IL12RB2: variants seen among roughly 807,000 people sequenced by gnomAD.
IL12RB2 encodes interleukin-12 receptor subunit beta-2.
In IL12RB2, 82 loss-of-function variants were observed where a neutral mutation model predicts 89.4. The observed-to-expected ratio is 0.92, with a 90% CI of 0.77 to 1.10. The LOEUF (loss-of-function observed/expected upper bound fraction) is 1.10, where lower values mean the gene tolerates loss of function less well. IL12RB2 is among the 50% of genes least tolerant of loss of function. IL12RB2 has a pLI of 0.00. For missense variants in IL12RB2, 963 were observed against 1,031.9 expected (o/e 0.93, Z 0.92); for synonymous variants, 368 against 370.1 (o/e 0.99, Z 0.07).
At position 67,353,650 on chromosome 1, in the gene IL12RB2, A is replaced by G. The variant is rs189972111; in HGVS notation, c.1258+2561A>G. Among the ~76,000 whole-genome samples, 43 of 152,372 alleles carry G rather than the reference A, an allele frequency of 2.8e-4. 1 individual carries two copies. Among genetic ancestry groups the G allele is most frequent in the Non-Finnish European group, 8.8e-5 (6 of 68,030 alleles). On this transcript the variant is annotated intron_variant, in intron 10 of 16. Transcript: ENST00000674203. The stretch of plus-strand genomic sequence containing the variant: ...AAATTTAAAAAATATCTAGCTGAAT[A>G]TAGATCAAAATGTTAACAGAGATCA...
At chr1:67,386,915 T>C (rs1276034354) in intron 15 of IL12RB2, among the ~76,000 whole-genome samples, 2 of 95,924 alleles carry the variant, frequency 2.1e-5, no homozygotes, top group East Asian at 2.8e-4. Flanking sequence ...TATATATATA[T>C]ATTCTTTTTT....
rs748231347 is a variant in IL12RB2 at position 67,395,933 on chromosome 1, T to C, written c.2433T>C (p.His811=). Reference sequence around the variant, plus strand: ...CCAACATAGATGACCTCCCCTCACATGAGGCACCTCTCGCTGACTCTCTGG... The same window carrying C: ...CCAACATAGATGACCTCCCCTCACACGAGGCACCTCTCGCTGACTCTCTGG... ...LPSNIDDLPS[H]EAPLADSLEE... is the part of the protein sequence containing the mutation. The change falls in exon 17 of 17, where the codon CAT becomes CAC. Residue 811 remains histidine (H), a synonymous_variant. Coordinates refer to ENST00000674203, the MANE Select transcript of IL12RB2 (RefSeq NM_001374259.2). 1 of 1,611,994 alleles carries C rather than the reference T, an allele frequency of 6.2e-7. No homozygotes were observed. Among genetic ancestry groups the C allele is most frequent in the Non-Finnish European group, 8.5e-7 (1 of 1,177,984 alleles).
intron 9 of IL12RB2, among the ~76,000 whole-genome samples, chr1:67,347,007 C>G (rs916398201): frequency 6.6e-6 from 1 of 152,068 alleles, no homozygotes; most frequent in East Asian, 1.9e-4. Flanking sequence ...AACAGTTTAC[C>G]TCCCTTAACT....
At chr1:67,371,807 C>T (rs1663362260) in intron 11 of IL12RB2, among the ~76,000 whole-genome samples, 1 of 152,182 alleles carries the variant, frequency 6.6e-6, no homozygotes, top group South Asian at 2.1e-4. Context: ...TGAAATCTAA[C>T]TGGAACATAC....
chr1:67,314,056 C>T (rs1381092920), intron 2 of IL12RB2, 56 bp downstream of exon 2: 1 of 152,122 alleles, frequency 6.6e-6, no homozygotes, highest in East Asian at 1.9e-4. Context: ...CATTTAGTCA[C>T]CTGATCATTA....
intron 9 of IL12RB2, among the ~76,000 whole-genome samples, chr1:67,349,007 C>T (rs1399652510): frequency 6.6e-6 from 1 of 152,154 alleles, no homozygotes; most frequent in Non-Finnish European, 1.5e-5. Context: ...TGGGTCCATG[C>T]CCTCTGGAAA....
chr1:67,347,039 T>TA (rs908900642), intron 9 of IL12RB2, among the ~76,000 whole-genome samples: 4 of 152,198 alleles, frequency 2.6e-5, no homozygotes, highest in Non-Finnish European at 5.9e-5. Flanking sequence ...CCAATAAGCC[T>TA]ACACTGTACA....
intron 14 of IL12RB2, among the ~76,000 whole-genome samples, chr1:67,381,118 A>C (rs1254990772): frequency 2.0e-5 from 3 of 152,194 alleles, no homozygotes; most frequent in Admixed American, 1.3e-4. Context: ...AAAATGAAGG[A>C]TTATCATGCC....
chr1:67,378,752 A>C (rs1481758497), intron 13 of IL12RB2, among the ~76,000 whole-genome samples: 2 of 148,494 alleles, frequency 1.3e-5, no homozygotes, highest in Non-Finnish European at 3.0e-5. Flanking sequence ...CAGGAGGCTG[A>C]GGCTGAAGAA....
chr1:67,311,553 T>C (rs1655064280), intron 1 of IL12RB2, among the ~76,000 whole-genome samples: 1 of 152,230 alleles, frequency 6.6e-6, no homozygotes, highest in Non-Finnish European at 1.5e-5. Context: ...AACTAAATTA[T>C]ATGCTTTGCA....
chr1:67,367,308 T>C (rs908177225), intron 10 of IL12RB2, among the ~76,000 whole-genome samples: 3 of 151,298 alleles, frequency 2.0e-5, no homozygotes, highest in African/African-American at 7.3e-5. Flanking sequence ...GGTGGGAGGA[T>C]CACTTGAATC....
At chr1:67,354,188 G>C (rs1299630721) in intron 10 of IL12RB2, among the ~76,000 whole-genome samples, 1 of 152,150 alleles carries the variant, frequency 6.6e-6, no homozygotes, top group Non-Finnish European at 1.5e-5. Flanking sequence ...GCTTGGAGAG[G>C]AGGCCAGGAG....
intron 10 of IL12RB2, among the ~76,000 whole-genome samples, chr1:67,353,957 G>C (rs1485785062): frequency 1.3e-5 from 2 of 152,140 alleles, no homozygotes; most frequent in African/African-American, 4.8e-5. Context: ...TTATGTTAGA[G>C]TTCATTTCTA....
intron 16 of IL12RB2, 151 bp downstream of exon 16, chr1:67,390,279 C>T: frequency 1.5e-6 from 1 of 655,726 alleles, no homozygotes; most frequent in East Asian, 2.9e-5. Context: ...TCATCATTCT[C>T]ATTTTAATTC....
At position 67,398,324 on chromosome 1, in the gene IL12RB2, T is replaced by C. The variant is rs1425865500; in HGVS notation, c.*2235T>C. On this transcript the variant is annotated 3_prime_UTR_variant, in exon 17 of 17. Coordinates refer to ENST00000674203, the MANE Select transcript of IL12RB2 (RefSeq NM_001374259.2). ...AGCTAACTTCACTGTTTTCTTACAA[T>C]ACCTGGTTTTTCCTATCTTTGGTTT... Among the ~76,000 whole-genome samples the C allele has an allele frequency of 6.6e-6, 1 of 152,034 alleles. No homozygotes were observed. The highest frequency in any genetic ancestry group is 1.9e-4 in the East Asian group (1 of 5,186).
At chr1:67,385,290 G>C (rs1665014704) in intron 14 of IL12RB2, among the ~76,000 whole-genome samples, 1 of 152,204 alleles carries the variant, frequency 6.6e-6, no homozygotes, top group African/African-American at 2.4e-5. Flanking sequence ...CAGCAGGAGA[G>C]AGAAGAATGA....
intron 9 of IL12RB2, among the ~76,000 whole-genome samples, chr1:67,348,982 G>GA (rs918590961): frequency 2.0e-5 from 3 of 152,112 alleles, no homozygotes. Flanking sequence ...ATGCGAAGGG[G>GA]AAAATGTAAG....
At chr1:67,331,154 T>C (rs1658025877) in intron 8 of IL12RB2, among the ~76,000 whole-genome samples, 1 of 152,246 alleles carries the variant, frequency 6.6e-6, no homozygotes, top group Non-Finnish European at 1.5e-5. Flanking sequence ...TTGTTAAAGC[T>C]TCATATGTTT....
rs1419355878 is a variant in IL12RB2, at chr1:67,391,705, C to T, written c.2046+1577C>T. ...AGGCTGGAGTGCAGTGGCGCAATCTCGGCTCACTGCAAGCTTCACCTTCCA... is the reference window on the plus strand; with the variant it reads ...AGGCTGGAGTGCAGTGGCGCAATCTTGGCTCACTGCAAGCTTCACCTTCCA... On this transcript the variant is annotated intron_variant, in intron 16 of 16. Transcript: ENST00000674203. 4.0e-5 allele frequency among the ~76,000 whole-genome samples: 6 copies of T among 151,440 alleles called. No individual in the cohort carries two copies. The South Asian group carries it at 1.0e-3, about 26-fold the overall frequency.
Sources: gnomAD v4.1 joint callset for allele counts (sites outside exome capture counted in the v4.1 genomes callset) on GRCh38, gnomAD v4.1.1 for gene constraint, MANE v1.5 for transcripts, NCBI Gene and HGNC (gene_info 2026-07-23, HGNC 2026-07-21) for gene names.